Variants in EXOC4 observed in about 807,000 individuals in gnomAD.
EXOC4 encodes SEC8-like 1.
Under a neutral mutation model 107.2 loss-of-function variants are expected in EXOC4, and 71 were observed. The observed-to-expected ratio is 0.66, with a 90% CI of 0.55 to 0.81. The LOEUF is 0.81. EXOC4 is among the 30% of genes least tolerant of loss of function. The pLI, the probability that EXOC4 is intolerant of heterozygous loss-of-function variation, is 0.00. For missense variants in EXOC4, 1,108 were observed against 1,189.6 expected, an observed-to-expected ratio of 0.93 and a Z score of 1.01; for synonymous variants, 456 against 441.2, an observed-to-expected ratio of 1.03 and a Z score of -0.42.
intron 7 of EXOC4, among the ~76,000 whole-genome samples, chr7:133,404,700 A>C (rs1484948733): frequency 1.3e-5 from 2 of 152,006 alleles, no homozygotes; most frequent in African/African-American, 4.8e-5. Flanking sequence ...ACTGCCTGGC[A>C]CATTAGAAAT....
At chr7:133,394,573 G>C (rs1416537936) in intron 7 of EXOC4, among the ~76,000 whole-genome samples, 1 of 152,148 alleles carries the variant, frequency 6.6e-6, no homozygotes, top group African/African-American at 2.4e-5. Flanking sequence ...GTTATGAAGT[G>C]TTTTGTGGTC....
At chr7:133,935,992 G>A (rs1401166654) in intron 13 of EXOC4, among the ~76,000 whole-genome samples, 2 of 152,228 alleles carry the variant, frequency 1.3e-5, no homozygotes, top group African/African-American at 4.8e-5. Flanking sequence ...CACACAACAA[G>A]CAAGTGGCAG....
In EXOC4 at chr7:133,274,891, C is replaced by T. The variant is rs1439198330; in HGVS notation, c.87-91C>T. On this transcript the variant is annotated intron_variant, in intron 1 of 17. Transcript: ENST00000253861. The stretch of plus-strand genomic sequence containing the variant: ...AGTTAATAAGATGAATGTGCTTCAC[C>T]TTCCTTTTGCATTTTACTTTCTGCT... 9.8e-6 allele frequency: 10 copies of T among 1,025,416 alleles called. No individual in the cohort carries two copies. In the South Asian group the frequency reaches 1.5e-4, roughly 15 times the overall value. The allele number at this position is 1,025,416 out of a possible 1,614,324, so 63.5% of individuals were successfully genotyped here. A position where few individuals can be genotyped will look rare whatever the true frequency, so the allele number is the denominator to read the frequency against.
At chr7:133,402,977 C>T (rs368399449) in intron 7 of EXOC4, among the ~76,000 whole-genome samples, 2 of 151,102 alleles carry the variant, frequency 1.3e-5, no homozygotes, top group South Asian at 2.1e-4. Flanking sequence ...CTCTGACTCC[C>T]TGGTTCAAGC....
chr7:134,090,804 A>G, the EXOC4 span, among the ~76,000 whole-genome samples: 19 of 152,188 alleles, frequency 1.2e-4, no homozygotes, highest in South Asian at 1.2e-3. Flanking sequence ...AGCAAAGAGT[A>G]CAAGACAGAT....
chr7:133,743,175 G>A (rs1192970349), intron 10 of EXOC4, among the ~76,000 whole-genome samples: 3 of 152,118 alleles, frequency 2.0e-5, no homozygotes, highest in Admixed American at 6.6e-5. Context: ...AGAGACAATC[G>A]ATAGAAAAAT....
At chr7:133,456,756 C>A (rs919353990) in intron 7 of EXOC4, among the ~76,000 whole-genome samples, 2 of 152,116 alleles carry the variant, frequency 1.3e-5, no homozygotes, top group Non-Finnish European at 2.9e-5. Flanking sequence ...AGAATTGAGT[C>A]ACTCCACAGA....
intron 12 of EXOC4, 75 bp downstream of exon 12, chr7:133,895,810 A>G (rs899344048): frequency 1.4e-5 from 21 of 1,493,554 alleles, no homozygotes; most frequent in African/African-American, 2.8e-5. Context: ...AATTGCTTCA[A>G]TAGCCTAATT....
intron 9 of EXOC4, among the ~76,000 whole-genome samples, chr7:133,582,995 G>A (rs1801313864): frequency 6.6e-6 from 1 of 152,188 alleles, no homozygotes. Flanking sequence ...ACAGCTTTTT[G>A]AGAAATAATT....
At chr7:133,845,253 A>G (rs1032801701) in intron 11 of EXOC4, among the ~76,000 whole-genome samples, 6 of 151,678 alleles carry the variant, frequency 4.0e-5, no homozygotes, top group Non-Finnish European at 8.8e-5. Context: ...TTTTACTACA[A>G]ATGGCCCACT....
At chr7:133,544,553 G>C (rs1232953457) in intron 9 of EXOC4, among the ~76,000 whole-genome samples, 1 of 151,982 alleles carries the variant, frequency 6.6e-6, no homozygotes, top group East Asian at 1.9e-4. Flanking sequence ...ACTAAATTAG[G>C]TCACCTAACA....
intron 13 of EXOC4, among the ~76,000 whole-genome samples, chr7:133,933,745 A>G (rs972034618): frequency 6.6e-5 from 10 of 152,192 alleles, no homozygotes; most frequent in Non-Finnish European, 1.5e-4. Flanking sequence ...GCTTCAGGCC[A>G]GTGCGCCCAT....
At chr7:133,491,465 G>A (rs1194130774) in intron 9 of EXOC4, among the ~76,000 whole-genome samples, 1 of 152,116 alleles carries the variant, frequency 6.6e-6, no homozygotes, top group Non-Finnish European at 1.5e-5. Context: ...TTTAGTAGAA[G>A]GATCACCTGT....
intron 11 of EXOC4, among the ~76,000 whole-genome samples, chr7:133,876,497 T>G (rs370651037): frequency 5.1e-4 from 77 of 152,172 alleles, no homozygotes; most frequent in Non-Finnish European, 5.4e-4. Context: ...ACTCATCGTC[T>G]TCTTCTTCTT....
intron 6 of EXOC4, among the ~76,000 whole-genome samples, chr7:133,358,952 CG>C (rs1450686870): frequency 2.0e-5 from 3 of 151,978 alleles, no homozygotes; most frequent in Non-Finnish European, 4.4e-5. Flanking sequence ...TTCGTTTGTC[CG>C]TATTTTAGAA....
intron 11 of EXOC4, among the ~76,000 whole-genome samples, chr7:133,881,679 G>A (rs1445269846): frequency 6.6e-6 from 1 of 152,086 alleles, no homozygotes; most frequent in Non-Finnish European, 1.5e-5. Flanking sequence ...GTATAGAGAA[G>A]GTACTTACTT....
In EXOC4 at chr7:133,426,574, C is replaced by T. The variant is rs866988257; in HGVS notation, c.1183-48754C>T. Among the ~76,000 whole-genome samples the T allele has an allele frequency of 5.1e-4, 77 of 152,272 alleles. 1 individual carries two copies. The highest frequency in any genetic ancestry group is 1.7e-3 in the African/African-American group (70 of 41,552). On this transcript the variant is annotated intron_variant, in intron 7 of 17. Coordinates refer to ENST00000253861, the MANE Select transcript of EXOC4 (RefSeq NM_021807.4). ...CTGTGGAAAATAATAAATATTGGTT[C>T]CTTTTGCCTTTCTTTTAGAAATACA...
chr7:133,676,100 C>T (rs111495133), intron 10 of EXOC4, among the ~76,000 whole-genome samples: 112 of 151,932 alleles, frequency 7.4e-4, no homozygotes, highest in African/African-American at 2.6e-3. Context: ...AAATTCGTGG[C>T]GTGAGAATTG....
chr7:133,948,592 T>C (rs6955700), intron 14 of EXOC4, among the ~76,000 whole-genome samples: 47,268 of 152,056 alleles, frequency 0.31, 7,803 homozygotes, highest in Non-Finnish European at 0.36. Context: ...ATGTGCGAAT[T>C]GTATGTGTGT....
Sources: allele counts gnomAD v4.1 joint callset (sites outside exome capture counted in the v4.1 genomes callset), GRCh38; gene constraint gnomAD v4.1.1; transcripts MANE v1.5; gene names NCBI Gene and HGNC (gene_info 2026-07-23, HGNC 2026-07-21).